Variants in DIXDC1 observed in about 807,000 individuals in gnomAD.
DIXDC1 encodes the protein DIX domain containing 1.
A neutral mutation model predicts 103.1 loss-of-function variants in DIXDC1; 64 were observed. The ratio of observed to expected loss-of-function variants is 0.62; its 90% CI spans 0.51 to 0.76. The LOEUF (loss-of-function observed/expected upper bound fraction) is 0.76, where lower values mean the gene tolerates loss of function less well. Ranked by LOEUF, DIXDC1 falls within the 30% of genes least tolerant of loss-of-function variation. DIXDC1 has a pLI of 0.00. For synonymous variants in DIXDC1, 266 were observed against 298.5 expected (o/e 0.89, Z 1.12); for missense variants, 759 against 834.2 (o/e 0.91, Z 1.11).
intron 9 of DIXDC1, 103 bp from the exon 10 acceptor site, chr11:111,988,902 C>A: frequency 2.0e-6 from 2 of 983,956 alleles, no homozygotes; most frequent in Non-Finnish European, 3.1e-6. Flanking sequence ...TAATTTTTCA[C>A]GGAATGATCA....
At chr11:112,011,816 G>A (rs191309998) in intron 17 of DIXDC1, among the ~76,000 whole-genome samples, 7 of 152,016 alleles carry the variant, frequency 4.6e-5, no homozygotes, top group Non-Finnish European at 7.4e-5. Context: ...AGGGGGGGAC[G>A]GGGGGAGGGA....
intron 1 of DIXDC1, among the ~76,000 whole-genome samples, chr11:111,963,598 G>A (rs1859642398): frequency 6.6e-6 from 1 of 152,148 alleles, no homozygotes; most frequent in African/African-American, 2.4e-5. Context: ...CAGGGTCCTG[G>A]GCTGCAAAGA....
At chr11:112,009,706 A>T (rs2137627730) in intron 17 of DIXDC1, among the ~76,000 whole-genome samples, 1 of 152,292 alleles carries the variant, frequency 6.6e-6, no homozygotes, top group East Asian at 1.9e-4. Flanking sequence ...CAAAGAGAAA[A>T]ACCACATGAT....
chr11:111,953,665 A>G lies in DIXDC1; in HGVS notation c.61-10884A>G, dbSNP rs587636494. On this transcript the variant is annotated intron_variant, in intron 1 of 19. Transcript: ENST00000440460. ...CAATCAATAAATAAAATCAACCAGA[A>G]TTTGGGGCTAACCAAAAATGAACTA... 9.7e-4 allele frequency among the ~76,000 whole-genome samples: 148 copies of G among 152,250 alleles called. 1 individual carries two copies. Among genetic ancestry groups the G allele is most frequent in the African/African-American group, 3.3e-3 (137 of 41,562 alleles).
chr11:111,959,974 AT>A (rs1444772732), intron 1 of DIXDC1, among the ~76,000 whole-genome samples: 2 of 152,016 alleles, frequency 1.3e-5, no homozygotes, highest in Non-Finnish European at 2.9e-5. Context: ...CACTGGCGCA[AT>A]CTCGACTCAC....
chr11:112,018,099 TTGAC>T (rs1454103260), intron 19 of DIXDC1, among the ~76,000 whole-genome samples: 3 of 152,226 alleles, frequency 2.0e-5, no homozygotes, highest in Non-Finnish European at 4.4e-5. Context: ...ACTTCATCAT[TTGAC>T]TGAGAACTTG....
chr11:111,937,140 G>GGT (rs1966225742), upstream of DIXDC1: 4 of 749,802 alleles, frequency 5.3e-6, no homozygotes, highest in African/African-American at 2.0e-5. Context: ...GCGGGGGGGG[G>GGT]GTGTGCGCGT....
chr11:111,938,227 G>T (rs1966286982), intron 1 of DIXDC1, among the ~76,000 whole-genome samples: 1 of 152,102 alleles, frequency 6.6e-6, no homozygotes, highest in Admixed American at 6.5e-5. Flanking sequence ...GCCGACAAGG[G>T]GTCATTTCCT....
chr11:111,964,524 C>G, intron 1 of DIXDC1, 25 bp from the exon 2 acceptor site: 3 of 1,571,148 alleles, frequency 1.9e-6, no homozygotes, highest in Non-Finnish European at 2.6e-6. Flanking sequence ...CTCTCTTTCC[C>G]TTACTTATAT....
chr11:112,008,710 GC>G (rs1267407982), intron 17 of DIXDC1, among the ~76,000 whole-genome samples: 2 of 152,136 alleles, frequency 1.3e-5, no homozygotes, highest in African/African-American at 2.4e-5. Flanking sequence ...ATGACTACTG[GC>G]TAAATAACGA....
Position 111,980,771 on chromosome 11 carries a change from A to G in DIXDC1, c.691A>G (p.Ser231Gly). Residue 231 changes from serine (S) to glycine (G), a missense_variant, in exon 6 of 20, where the codon AGC (serine) becomes GGC (glycine). Around this residue, in one of 3 missense-constraint regions of DIXDC1, gnomAD observed 657 missense variants for 727.5 expected, o/e 0.90. Coordinates refer to ENST00000440460, the MANE Select transcript of DIXDC1 (RefSeq NM_001037954.4). ...ACCCAGTCCAATCCACAGTGCAAAG[A>G]GCGAGTCCATTATAACCCAGTCAGA... ...TSPSPIHSAKSESIITQSEEK... is the reference protein window; with the variant it reads ...TSPSPIHSAKGESIITQSEEK... The G allele has an allele frequency of 6.2e-7, 1 of 1,614,020 alleles. No individual in the cohort carries two copies. The highest frequency in any genetic ancestry group is 8.5e-7 in the Non-Finnish European group (1 of 1,179,882).
chr11:111,997,454 G>C (rs1392264912), intron 17 of DIXDC1, among the ~76,000 whole-genome samples: 2 of 152,104 alleles, frequency 1.3e-5, no homozygotes, highest in East Asian at 3.9e-4. Flanking sequence ...TTCTGCCTCA[G>C]GCTCCCCAGT....
intron 1 of DIXDC1, among the ~76,000 whole-genome samples, chr11:111,951,944 C>T (rs891682925): frequency 1.3e-5 from 2 of 150,904 alleles, no homozygotes; most frequent in African/African-American, 4.9e-5. Context: ...TGGCTTGCTG[C>T]GATTTCCACC....
chr11:112,005,261 G>C (rs1254110161), intron 17 of DIXDC1, among the ~76,000 whole-genome samples: 2 of 152,000 alleles, frequency 1.3e-5, no homozygotes, highest in African/African-American at 4.8e-5. Flanking sequence ...AAGGAAGTGT[G>C]GTTATATTAG....
intron 7 of DIXDC1, 130 bp downstream of exon 7, chr11:111,982,617 T>C (rs1031466684): frequency 1.5e-5 from 15 of 1,008,552 alleles, no homozygotes; most frequent in African/African-American, 1.5e-4. Flanking sequence ...ATATAGGGAA[T>C]AGCACAGAAA....
intron 1 of DIXDC1, among the ~76,000 whole-genome samples, chr11:111,950,121 A>G (rs1324669096): frequency 6.6e-6 from 1 of 152,094 alleles, no homozygotes; most frequent in Non-Finnish European, 1.5e-5. Flanking sequence ...GCAAATGTGG[A>G]TCAAGAAAAC....
At position 111,962,567 on chromosome 11, in the gene DIXDC1, G is replaced by A. The variant is rs374844100; in HGVS notation, c.61-1982G>A. 2.0e-5 allele frequency among the ~76,000 whole-genome samples: 3 copies of A among 152,248 alleles called. No individual in the cohort carries two copies. The South Asian group carries it at 6.2e-4, about 32-fold the overall frequency. On this transcript the variant is annotated intron_variant, in intron 1 of 19. Coordinates refer to ENST00000440460, the MANE Select transcript of DIXDC1 (RefSeq NM_001037954.4). ...TTGGGGAACTGTACATAATTCAGATGAGCTGAAGCATGGTGGGTATTTGGG... is the reference window on the plus strand; with the variant it reads ...TTGGGGAACTGTACATAATTCAGATAAGCTGAAGCATGGTGGGTATTTGGG...
At chr11:112,013,103 T>A (rs1028070653) in intron 17 of DIXDC1, among the ~76,000 whole-genome samples, 3 of 152,160 alleles carry the variant, frequency 2.0e-5, no homozygotes, top group African/African-American at 4.8e-5. Context: ...CAGGTTTTGG[T>A]GAGGGCTCCT....
intron 14 of DIXDC1, 31 bp downstream of exon 14, chr11:111,993,771 A>C (rs782418284): frequency 1.2e-6 from 2 of 1,610,226 alleles, no homozygotes; most frequent in South Asian, 2.2e-5. Context: ...TCCCTCCCAC[A>C]TTTATGAAGC....
Sources: allele counts gnomAD v4.1 joint callset (sites outside exome capture counted in the v4.1 genomes callset), GRCh38; gene constraint gnomAD v4.1.1; regional missense constraint gnomAD v4.1.1; transcripts MANE v1.5; gene names NCBI Gene and HGNC (gene_info 2026-07-23, HGNC 2026-07-21).